The following PAK5 variants were observed in gnomAD, a reference collection of about 807,000 sequenced individuals.
PAK5 encodes the protein serine/threonine-protein kinase PAK 5.
In PAK5, 16 loss-of-function variants were observed where a neutral mutation model predicts 65.9. The ratio of observed to expected loss-of-function variants is 0.24; its 90% CI spans 0.16 to 0.37. PAK5 has a LOEUF of 0.37. Among genes scored for constraint, PAK5 ranks in the 10% least tolerant of loss-of-function variants. PAK5 has a pLI of 1.00. For missense variants in PAK5, 785 were observed against 903.9 expected (o/e 0.87, Z 1.69); for synonymous variants, 371 against 354.9 (o/e 1.05, Z -0.51).
intron 1 of PAK5, among the ~76,000 whole-genome samples, chr20:9,834,802 T>C (rs6087037): frequency 1.3e-5 from 2 of 152,132 alleles, no homozygotes; most frequent in Non-Finnish European, 2.9e-5. Context: ...TTTATTATTA[T>C]ACATAATGAT....
chr20:9,589,014 C>CA (rs1355870588), intron 3 of PAK5, among the ~76,000 whole-genome samples: 5 of 152,192 alleles, frequency 3.3e-5, no homozygotes, highest in African/African-American at 9.7e-5. Flanking sequence ...CCTCTGCCCT[C>CA]ACAGACTGTA....
chr20:9,799,141 A>G (rs1302492136), intron 1 of PAK5, among the ~76,000 whole-genome samples: 1 of 152,196 alleles, frequency 6.6e-6, no homozygotes, highest in East Asian at 1.9e-4. Context: ...GAAAAAATAC[A>G]TTCTAAAAAG....
At chr20:9,805,950 T>C (rs1324617392) in intron 1 of PAK5, among the ~76,000 whole-genome samples, 2 of 152,054 alleles carry the variant, frequency 1.3e-5, no homozygotes, top group East Asian at 1.9e-4. Flanking sequence ...GGGAGAGAGA[T>C]GGATGAGGAG....
In PAK5 at chr20:9,655,513, T is replaced by A. The variant is rs1045772720; in HGVS notation, c.-11-11174A>T. On this transcript the variant is annotated intron_variant, in intron 2 of 9. Coordinates refer to ENST00000353224, the MANE Select transcript of PAK5 (RefSeq NM_177990.4). ...CATATCAGCACACATATCACTTGCT[T>A]CTAAAGTCTCCATAGCATTTTATAA... Among the ~76,000 whole-genome samples, 4 of 151,954 alleles carry A rather than the reference T, an allele frequency of 2.6e-5. No individual in the cohort carries two copies. In the East Asian group the frequency reaches 5.8e-4, roughly 22 times the overall value.
chr20:9,766,243 A>AAT lies in PAK5; in HGVS notation c.-161-54810_-161-54809dup, dbSNP rs1166545240. Among the ~76,000 whole-genome samples, 16 of 42,266 alleles carry AAT rather than the reference A, an allele frequency of 3.8e-4. 1 individual carries two copies. The highest frequency in any genetic ancestry group is 2.1e-3 in the African/African-American group (16 of 7,464). The allele number at this position is 42,266 out of a possible 152,430, so 27.7% of individuals were successfully genotyped here. Reference sequence around the variant, plus strand: ...CTCAAAAAGGAAAAAAAAAGAAAAAAATATATATATATGTTCTAATTGAAT... The same window carrying AAT: ...CTCAAAAAGGAAAAAAAAAGAAAAAAATATATATATATATGTTCTAATTGAAT... On this transcript the variant is annotated intron_variant, in intron 1 of 9. Transcript: ENST00000353224.
intron 3 of PAK5, among the ~76,000 whole-genome samples, chr20:9,594,605 T>A (rs2046230810): frequency 6.6e-6 from 1 of 152,220 alleles, no homozygotes; most frequent in South Asian, 2.1e-4. Flanking sequence ...TATGTTGCAA[T>A]CTGTAGACAA....
intron 1 of PAK5, among the ~76,000 whole-genome samples, chr20:9,748,417 A>G (rs1173975323): frequency 6.6e-6 from 1 of 152,198 alleles, no homozygotes; most frequent in Non-Finnish European, 1.5e-5. Flanking sequence ...TGGAGGCATC[A>G]TGCTACCTGA....
intron 2 of PAK5, among the ~76,000 whole-genome samples, chr20:9,697,343 TAC>T (rs2123450744): frequency 6.6e-6 from 1 of 152,226 alleles, no homozygotes; most frequent in South Asian, 2.1e-4. Context: ...CTCTCCCCTC[TAC>T]ACACAACCAT....
At chr20:9,574,203 C>T (rs990611686) in intron 4 of PAK5, among the ~76,000 whole-genome samples, 6 of 152,178 alleles carry the variant, frequency 3.9e-5, no homozygotes, top group African/African-American at 1.4e-4. Context: ...ACTCGTCTGT[C>T]TCTCTGGTTG....
At chr20:9,636,148 A>G (rs2046980836) in intron 3 of PAK5, among the ~76,000 whole-genome samples, 1 of 152,202 alleles carries the variant, frequency 6.6e-6, no homozygotes, top group South Asian at 2.1e-4. Flanking sequence ...GTTGCCCTGT[A>G]TTTTGGGAAA....
chr20:9,729,751 A>G (rs1405894457), intron 1 of PAK5, among the ~76,000 whole-genome samples: 5 of 151,372 alleles, frequency 3.3e-5, no homozygotes, highest in Non-Finnish European at 7.4e-5. Context: ...TCAAAGATAG[A>G]AGAAACCTGT....
intron 1 of PAK5, among the ~76,000 whole-genome samples, chr20:9,765,720 C>T (rs1196066279): frequency 6.6e-6 from 1 of 152,124 alleles, no homozygotes; most frequent in Non-Finnish European, 1.5e-5. Flanking sequence ...CATTTAACAG[C>T]ACATTCTTAG....
intron 9 of PAK5, among the ~76,000 whole-genome samples, chr20:9,540,111 T>A (rs6077561): frequency 0.19 from 28,366 of 151,998 alleles, 3,427 homozygotes; most frequent in African/African-American, 0.35. Context: ...AAGGTATATC[T>A]TACTTTATGT....
intron 1 of PAK5, among the ~76,000 whole-genome samples, chr20:9,743,865 C>G (rs2048477664): frequency 6.6e-6 from 1 of 152,178 alleles, no homozygotes; most frequent in Admixed American, 6.5e-5. Flanking sequence ...ATGGCAAAAA[C>G]TTTGCAAGTG....
intron 1 of PAK5, among the ~76,000 whole-genome samples, chr20:9,719,361 A>AT (rs1212387344): frequency 6.6e-6 from 1 of 152,094 alleles, no homozygotes; most frequent in Non-Finnish European, 1.5e-5. Context: ...GCACTATTTT[A>AT]TTTTTCTTTT....
At chr20:9,582,709 A>G (rs1342063558) in intron 3 of PAK5, among the ~76,000 whole-genome samples, 1 of 152,118 alleles carries the variant, frequency 6.6e-6, no homozygotes, top group Non-Finnish European at 1.5e-5. Flanking sequence ...TAGGGTATCT[A>G]TATAAAGTAG....
At chr20:9,564,756 A>C (rs189857101) in intron 5 of PAK5, among the ~76,000 whole-genome samples, 427 of 152,324 alleles carry the variant, frequency 2.8e-3, no homozygotes, top group African/African-American at 0.01. Flanking sequence ...AAATAATAAA[A>C]GTGACAAATT....
chr20:9,755,842 C>T (rs2048627402), intron 1 of PAK5, among the ~76,000 whole-genome samples: 1 of 152,170 alleles, frequency 6.6e-6, no homozygotes, highest in Admixed American at 6.6e-5. Context: ...TTCCATATGG[C>T]ATCTGATTAA....
chr20:9,547,230 A>T (rs2045358894), intron 7 of PAK5, among the ~76,000 whole-genome samples: 1 of 152,196 alleles, frequency 6.6e-6, no homozygotes, highest in African/African-American at 2.4e-5. Context: ...CTTCTCCCTC[A>T]GAGCTTCCAG....
Sources: allele counts gnomAD v4.1 joint callset (sites outside exome capture counted in the v4.1 genomes callset), GRCh38; gene constraint gnomAD v4.1.1; transcripts MANE v1.5; gene names NCBI Gene and HGNC (gene_info 2026-07-23, HGNC 2026-07-21).